The following TMEM132D variants were observed in gnomAD, a reference collection of about 807,000 sequenced individuals.
TMEM132D encodes transmembrane protein 132D, also known as mature OL transmembrane protein.
A neutral mutation model predicts 62.3 loss-of-function variants in TMEM132D; 21 were observed. The ratio of observed to expected loss-of-function variants is 0.34; its 90% CI spans 0.24 to 0.49. The LOEUF is 0.49. Ranked by LOEUF, TMEM132D falls within the 20% of genes least tolerant of loss-of-function variation. The probability of loss-of-function intolerance (pLI) is 0.99; values close to 1 mark genes in which losing one functional copy is unlikely to be tolerated. For missense variants in TMEM132D, 1,346 were observed against 1,402.8 expected (o/e 0.96, Z 0.65); for synonymous variants, 621 against 575.6 (o/e 1.08, Z -1.13).
intron 3 of TMEM132D, among the ~76,000 whole-genome samples, chr12:129,491,440 G>A (rs150249714): frequency 0.011 from 1,714 of 152,330 alleles, 11 homozygotes; most frequent in Non-Finnish European, 0.017. Flanking sequence ...CCAGGACTGA[G>A]ACTTGCGGAT....
chr12:129,446,888 T>C (rs1220638466), intron 3 of TMEM132D, among the ~76,000 whole-genome samples: 1 of 152,196 alleles, frequency 6.6e-6, no homozygotes, highest in Non-Finnish European at 1.5e-5. Context: ...CCGGCTGGCA[T>C]TAACTGTCTT....
intron 5 of TMEM132D, among the ~76,000 whole-genome samples, chr12:129,148,562 A>G (rs2135534200): frequency 2.0e-5 from 3 of 152,286 alleles, no homozygotes; most frequent in Middle Eastern, 6.8e-3. Flanking sequence ...CTCCCCCTGC[A>G]AAGGACCACA....
chr12:129,668,388 A>G (rs752829606), intron 2 of TMEM132D, among the ~76,000 whole-genome samples: 1 of 151,448 alleles, frequency 6.6e-6, no homozygotes. Context: ...GTGGCTATAG[A>G]CTGTTGTCAT....
intron 1 of TMEM132D, among the ~76,000 whole-genome samples, chr12:129,760,446 C>T (rs953533164): frequency 2.0e-5 from 3 of 148,466 alleles, no homozygotes; most frequent in Non-Finnish European, 4.5e-5. Flanking sequence ...ACTCTCCTTC[C>T]TCAGCCTCCT....
chr12:129,525,410 G>A (rs1381578493), intron 3 of TMEM132D, among the ~76,000 whole-genome samples: 2 of 151,926 alleles, frequency 1.3e-5, no homozygotes, highest in Non-Finnish European at 1.5e-5. Flanking sequence ...TGTTATCATT[G>A]ATACAGGCTC....
At chr12:129,524,717 T>C (rs757571090) in intron 3 of TMEM132D, among the ~76,000 whole-genome samples, 36 of 151,616 alleles carry the variant, frequency 2.4e-4, no homozygotes, top group Middle Eastern at 6.8e-3. Context: ...GACAAATATA[T>C]CTCTAAAGTG....
intron 3 of TMEM132D, among the ~76,000 whole-genome samples, chr12:129,451,916 C>T (rs943816721): frequency 1.1e-4 from 16 of 152,142 alleles, no homozygotes; most frequent in African/African-American, 3.6e-4. Context: ...GGGAGCATTG[C>T]TACCTCTTAC....
intron 4 of TMEM132D, among the ~76,000 whole-genome samples, chr12:129,286,773 C>CA (rs1267464742): frequency 6.6e-6 from 1 of 152,202 alleles, no homozygotes; most frequent in Non-Finnish European, 1.5e-5. Flanking sequence ...GGGAGCCAAG[C>CA]ATGGTGGCTT....
At chr12:129,432,845 C>T (rs1328057985) in intron 3 of TMEM132D, among the ~76,000 whole-genome samples, 1 of 152,144 alleles carries the variant, frequency 6.6e-6, no homozygotes, top group East Asian at 1.9e-4. Context: ...TGGGTCAGTG[C>T]AAGGTGAACA....
chr12:129,771,777 G>C (rs1439696870), intron 1 of TMEM132D, among the ~76,000 whole-genome samples: 1 of 152,218 alleles, frequency 6.6e-6, no homozygotes, highest in Non-Finnish European at 1.5e-5. Flanking sequence ...GTTCTCTGAT[G>C]ACGAGAATTC....
chr12:129,825,335 T>G (rs996199170), intron 1 of TMEM132D, among the ~76,000 whole-genome samples: 1 of 152,266 alleles, frequency 6.6e-6, no homozygotes, highest in East Asian at 1.9e-4. Flanking sequence ...CTTTCTTCCG[T>G]GTCTCCCTGG....
intron 2 of TMEM132D, among the ~76,000 whole-genome samples, chr12:129,691,503 A>G (rs1206963853): frequency 6.6e-6 from 1 of 152,096 alleles, no homozygotes; most frequent in Admixed American, 6.5e-5. Context: ...AGTCATCACT[A>G]CTGATCCTAT....
At position 129,832,785 on chromosome 12, in the gene TMEM132D, G is replaced by T. The variant is rs1179413847; in HGVS notation, c.79+70476C>A. Among the ~76,000 whole-genome samples, 3 of 152,266 alleles carry T rather than the reference G, an allele frequency of 2.0e-5. No individual in the cohort carries two copies. The East Asian group carries it at 5.8e-4, about 29-fold the overall frequency. On this transcript the variant is annotated intron_variant, in intron 1 of 8. Coordinates refer to ENST00000422113, the MANE Select transcript of TMEM132D (RefSeq NM_133448.3). Reference sequence around the variant, plus strand: ...CTGAGAGGAAGGCTTTCTTTATGGAGCCGTCACTTTTCTGAATCCTGGGGG... The same window carrying T: ...CTGAGAGGAAGGCTTTCTTTATGGATCCGTCACTTTTCTGAATCCTGGGGG...
chr12:129,512,084 C>G (rs1446057913), intron 3 of TMEM132D, among the ~76,000 whole-genome samples: 1 of 152,196 alleles, frequency 6.6e-6, no homozygotes, highest in Non-Finnish European at 1.5e-5. Context: ...GTGCTTAGAA[C>G]TGTGCCTGAC....
At position 129,244,311 on chromosome 12, in the gene TMEM132D, G is replaced by A. The variant is rs376744919; in HGVS notation, c.1300-34648C>T. On this transcript the variant is annotated intron_variant, in intron 4 of 8. Coordinates refer to ENST00000422113, the MANE Select transcript of TMEM132D (RefSeq NM_133448.3). ...TGAGGCAGGAGAATGGCGTGAGCCC[G>A]GGAGGCGGAGCTTGCAGTGAGCCGA... Among the ~76,000 whole-genome samples the A allele has an allele frequency of 3.3e-4, 49 of 150,366 alleles. No individual in the cohort carries two copies. In the East Asian group the frequency reaches 5.2e-3, roughly 16 times the overall value.
chr12:129,537,010 G>C (rs1316167886), intron 2 of TMEM132D, among the ~76,000 whole-genome samples: 1 of 151,958 alleles, frequency 6.6e-6, no homozygotes, highest in Non-Finnish European at 1.5e-5. Context: ...TACAAAATTA[G>C]CCAGATGTGG....
chr12:129,768,924 C>T (rs1593154726), intron 1 of TMEM132D, among the ~76,000 whole-genome samples: 1 of 152,290 alleles, frequency 6.6e-6, no homozygotes, highest in African/African-American at 2.4e-5. Context: ...GTTGGCAGTT[C>T]AGTTCTAAAG....
At chr12:129,231,636 A>T (rs1199700659) in intron 4 of TMEM132D, among the ~76,000 whole-genome samples, 1 of 152,174 alleles carries the variant, frequency 6.6e-6, no homozygotes, top group African/African-American at 2.4e-5. Context: ...ACTGACATTC[A>T]GCCAAGAAAG....
chr12:129,226,430 C>A (rs1302588188), intron 4 of TMEM132D, among the ~76,000 whole-genome samples: 1 of 152,206 alleles, frequency 6.6e-6, no homozygotes, highest in Admixed American at 6.5e-5. Context: ...CAGGAAGGTT[C>A]TCATACCATT....
Sources: allele counts gnomAD v4.1 joint callset (sites outside exome capture counted in the v4.1 genomes callset), GRCh38; gene constraint gnomAD v4.1.1; transcripts MANE v1.5; gene names NCBI Gene and HGNC (gene_info 2026-07-23, HGNC 2026-07-21).